Variants in DGKH observed in about 807,000 individuals in gnomAD.
DGKH encodes the protein DAG kinase eta.
Under a neutral mutation model 159.3 loss-of-function variants are expected in DGKH, and 90 were observed. That is an observed-to-expected ratio of 0.57 (90% CI 0.48 to 0.67). The LOEUF (loss-of-function observed/expected upper bound fraction) is 0.67. Ranked by LOEUF, DGKH falls within the 30% of genes least tolerant of loss-of-function variation. The pLI, the probability that DGKH is intolerant of heterozygous loss-of-function variation, is 0.00. For missense variants in DGKH, 1,181 were observed against 1,506.1 expected (o/e 0.78, Z 3.57); for synonymous variants, 536 against 553.8 (o/e 0.97, Z 0.45).
chr13:42,221,172 G>A, intron 28 of DGKH, 92 bp from the exon 29 acceptor site: 2 of 1,509,794 alleles, frequency 1.3e-6, no homozygotes, highest in Non-Finnish European at 1.8e-6. Flanking sequence ...CACTGCCGCT[G>A]CACTCTGTTT....
chr13:42,044,580 C>T (rs1217581429), upstream of DGKH, among the ~76,000 whole-genome samples: 3 of 152,184 alleles, frequency 2.0e-5, no homozygotes, highest in Admixed American at 6.5e-5. Context: ...TGAGCCACTG[C>T]GCCCGCCCCA....
chr13:42,131,253 TTTG>T (rs1404534179), intron 3 of DGKH, among the ~76,000 whole-genome samples: 1 of 152,186 alleles, frequency 6.6e-6, no homozygotes, highest in Non-Finnish European at 1.5e-5. Context: ...GAATTTTAGT[TTTG>T]TTGTTGTTCT....
intron 25 of DGKH, 131 bp downstream of exon 25, chr13:42,214,743 A>C: frequency 1.6e-6 from 1 of 645,016 alleles, no homozygotes; most frequent in Admixed American, 4.3e-5. Context: ...ACAAACCTGC[A>C]GTAAAATCGT....
At chr13:42,199,338 A>G (rs1037915586) in intron 18 of DGKH, among the ~76,000 whole-genome samples, 1 of 152,336 alleles carries the variant, frequency 6.6e-6, no homozygotes, top group Non-Finnish European at 1.5e-5. Context: ...AAATCACACC[A>G]TAACTGTGTG....
chr13:42,105,808 G>C (rs990507053), intron 1 of DGKH, among the ~76,000 whole-genome samples: 1 of 152,148 alleles, frequency 6.6e-6, no homozygotes, highest in Non-Finnish European at 1.5e-5. Flanking sequence ...TTCGATATAT[G>C]GTTAGCTCCC....
At position 42,162,302 on chromosome 13, in the gene DGKH, GGA is replaced by G. The variant is rs202103772; in HGVS notation, c.855+2168_855+2169del. ...AAGGCATGTGAATCACCTGAGGTCAGGAGTTCGAGACCAGCTTGACCAACATG... is the reference window on the plus strand; with the variant it reads ...AAGGCATGTGAATCACCTGAGGTCAGGTTCGAGACCAGCTTGACCAACATG... On this transcript the variant is annotated intron_variant, in intron 7 of 29. Transcript: ENST00000337343. 3.6e-3 allele frequency among the ~76,000 whole-genome samples: 542 copies of G among 152,304 alleles called. 9 individuals carry two copies. The East Asian group carries it at 0.047, about 13-fold the overall frequency.
intron 30 of DGKH, among the ~76,000 whole-genome samples, chr13:42,252,661 G>A (rs1239742725): frequency 6.6e-6 from 1 of 152,116 alleles, no homozygotes; most frequent in African/African-American, 2.4e-5. Context: ...CACTAAACCT[G>A]CAATTGCACG....
At chr13:42,061,071 C>G (rs573796494) in intron 1 of DGKH, among the ~76,000 whole-genome samples, 1 of 152,030 alleles carries the variant, frequency 6.6e-6, no homozygotes, top group African/African-American at 2.4e-5. Flanking sequence ...AAGGGGTCTC[C>G]GAGCAGAAAG....
At chr13:42,175,390 AT>A (rs1169476773) in intron 12 of DGKH, among the ~76,000 whole-genome samples, 1 of 152,184 alleles carries the variant, frequency 6.6e-6, no homozygotes, top group Non-Finnish European at 1.5e-5. Context: ...TATATTTACC[AT>A]TTTATTTTCA....
intron 1 of DGKH, among the ~76,000 whole-genome samples, chr13:42,080,904 G>A (rs1379900280): frequency 6.6e-6 from 1 of 152,024 alleles, no homozygotes; most frequent in Non-Finnish European, 1.5e-5. Context: ...TTAGAACTAT[G>A]AATCTAAGTT....
chr13:42,217,426 A>G (rs992672101), intron 26 of DGKH, among the ~76,000 whole-genome samples: 8 of 151,642 alleles, frequency 5.3e-5, no homozygotes, highest in Non-Finnish European at 7.4e-5. Context: ...TCTTTTCAAT[A>G]GAGACAGAAT....
rs1371338366 is a variant in DGKH at position 42,214,575 on chromosome 13, C to T, written c.3083C>T (p.Ser1028Phe). ...CTGGCCCATGCTGTGAATGCCTGCT[C>T]CCATGCCCTGAATAAAGCCAACCCA... The part of the protein sequence containing the change: ...QELAHAVNAC[S>F]HALNKANPRC... Residue 1028 changes from serine to phenylalanine, a missense_variant, in exon 25 of 30, where the codon TCC becomes TTC. Coordinates refer to ENST00000337343, the MANE Select transcript of DGKH (RefSeq NM_178009.5). The T allele has an allele frequency of 1.9e-6, 3 of 1,613,570 alleles. No individual in the cohort carries two copies. The highest frequency in any genetic ancestry group is 2.5e-6 in the Non-Finnish European group (3 of 1,179,722).
intron 1 of DGKH, among the ~76,000 whole-genome samples, chr13:42,062,383 T>A (rs542862335): frequency 6.6e-6 from 1 of 152,214 alleles, no homozygotes; most frequent in African/African-American, 2.4e-5. Context: ...GCTAGAGGAC[T>A]ATGAGATTAG....
Position 42,166,700 on chromosome 13 carries a change from T to C in DGKH, c.1118+26T>C, listed in dbSNP as rs1180078996. 1.9e-6 allele frequency: 3 copies of C among 1,551,322 alleles called. No homozygotes were observed. In the African/African-American group the frequency reaches 4.2e-5, roughly 21 times the overall value. ...GTAACTGATTATTGATAAATCTTAT[T>C]TGAATACAATGTAGGACTAGGTGTT... On this transcript the variant is annotated intron_variant, in intron 9 of 29. Coordinates refer to ENST00000337343, the MANE Select transcript of DGKH (RefSeq NM_178009.5).
chr13:42,197,086 C>T (rs905859266), intron 17 of DGKH, among the ~76,000 whole-genome samples: 5 of 151,804 alleles, frequency 3.3e-5, no homozygotes, highest in African/African-American at 1.2e-4. Flanking sequence ...CCCGTCTCTA[C>T]TAAAAATACA....
At chr13:42,188,285 T>G (rs17645560) in intron 14 of DGKH, among the ~76,000 whole-genome samples, 18,136 of 152,190 alleles carry the variant, frequency 0.12, 1,536 homozygotes, top group East Asian at 0.4. Context: ...GGGGGTAGCA[T>G]CAACAGCTTC....
At chr13:42,102,574 A>C (rs1954671831) in intron 1 of DGKH, among the ~76,000 whole-genome samples, 1 of 152,234 alleles carries the variant, frequency 6.6e-6, no homozygotes, top group Admixed American at 6.5e-5. Flanking sequence ...TGAATGAAGA[A>C]GTCCCATTTG....
intron 1 of DGKH, among the ~76,000 whole-genome samples, chr13:42,108,759 G>C (rs1482940162): frequency 6.6e-6 from 1 of 152,166 alleles, no homozygotes; most frequent in African/African-American, 2.4e-5. Context: ...TTCATTCAGA[G>C]AGATTTGGCA....
At chr13:42,184,759 C>T (rs889140931) in intron 13 of DGKH, among the ~76,000 whole-genome samples, 1 of 151,860 alleles carries the variant, frequency 6.6e-6, no homozygotes, top group Non-Finnish European at 1.5e-5. Flanking sequence ...CCTAGCTACT[C>T]AGGAGGCTAA....
Sources: gnomAD v4.1 joint callset for allele counts (sites outside exome capture counted in the v4.1 genomes callset) on GRCh38, gnomAD v4.1.1 for gene constraint, MANE v1.5 for transcripts, NCBI Gene and HGNC (gene_info 2026-07-23, HGNC 2026-07-21) for gene names.